LRBA: variants seen among roughly 807,000 people sequenced by gnomAD.
LRBA encodes the protein LPS responsive beige-like anchor protein.
In LRBA, 176 loss-of-function variants were observed where a neutral mutation model predicts 330.0. The observed-to-expected ratio is 0.53, with a 90% CI of 0.47 to 0.60. The LOEUF (loss-of-function observed/expected upper bound fraction) is 0.60. LRBA is among the 20% of genes least tolerant of loss of function. The probability of loss-of-function intolerance (pLI) is 0.00; values close to 1 mark genes in which losing one functional copy is unlikely to be tolerated. For missense variants in LRBA, 3,259 were observed against 3,444.8 expected, an observed-to-expected ratio of 0.95 and a Z score of 1.35; for synonymous variants, 1,230 against 1,193.0, an observed-to-expected ratio of 1.03 and a Z score of -0.64.
intron 48 of LRBA, among the ~76,000 whole-genome samples, chr4:150,328,734 A>G (rs1014643133): frequency 6.7e-6 from 1 of 150,192 alleles, no homozygotes; most frequent in Non-Finnish European, 1.5e-5. Flanking sequence ...AGACAGAGAG[A>G]GGGCAGTCAG....
At chr4:150,634,674 A>G (rs1417104813) in intron 37 of LRBA, among the ~76,000 whole-genome samples, 2 of 152,200 alleles carry the variant, frequency 1.3e-5, no homozygotes, top group Non-Finnish European at 2.9e-5. Context: ...TCCAGAATAT[A>G]GTCTCACCTG....
At chr4:150,946,034 G>C (rs1033173157) in intron 2 of LRBA, among the ~76,000 whole-genome samples, 12 of 152,110 alleles carry the variant, frequency 7.9e-5, no homozygotes, top group African/African-American at 2.7e-4. Context: ...TCCTGACCTT[G>C]TGATCCACCC....
At chr4:150,509,834 T>A (rs1325735611) in intron 40 of LRBA, among the ~76,000 whole-genome samples, 2 of 152,152 alleles carry the variant, frequency 1.3e-5, no homozygotes, top group Admixed American at 1.3e-4. Context: ...GATGAACAGA[T>A]CTCTTGAAAG....
intron 34 of LRBA, among the ~76,000 whole-genome samples, chr4:150,781,291 C>T (rs1475590454): frequency 6.6e-6 from 1 of 152,184 alleles, no homozygotes; most frequent in African/African-American, 2.4e-5. Flanking sequence ...CTAGACAGTC[C>T]CATCTGGGGG....
At chr4:150,948,886 T>C (rs1396491025) in intron 2 of LRBA, among the ~76,000 whole-genome samples, 1 of 151,852 alleles carries the variant, frequency 6.6e-6, no homozygotes, top group Admixed American at 6.5e-5. Context: ...AAGACCACAG[T>C]GGATATCACT....
intron 40 of LRBA, among the ~76,000 whole-genome samples, chr4:150,503,921 A>T (rs1349019782): frequency 2.0e-5 from 3 of 152,220 alleles, no homozygotes; most frequent in Non-Finnish European, 2.9e-5. Context: ...CTGAAAACCA[A>T]GGCACGAGAA....
chr4:150,823,635 T>C (rs939522151), intron 30 of LRBA, among the ~76,000 whole-genome samples: 9 of 152,210 alleles, frequency 5.9e-5, no homozygotes, highest in African/African-American at 2.2e-4. Context: ...GAACTGATTT[T>C]TGTATATAGT....
intron 34 of LRBA, among the ~76,000 whole-genome samples, chr4:150,790,538 A>G (rs1227068302): frequency 1.3e-5 from 2 of 152,198 alleles, no homozygotes; most frequent in Non-Finnish European, 2.9e-5. Context: ...TTTCCACCTT[A>G]TAATAGAAAG....
At chr4:150,411,879 T>C (rs1229095131) in intron 47 of LRBA, among the ~76,000 whole-genome samples, 1 of 152,120 alleles carries the variant, frequency 6.6e-6, no homozygotes, top group Non-Finnish European at 1.5e-5. Flanking sequence ...GGAATTGAAG[T>C]GGTAAACCAA....
intron 31 of LRBA, among the ~76,000 whole-genome samples, chr4:150,811,259 G>A (rs1014057292): frequency 2.0e-5 from 3 of 152,124 alleles, no homozygotes; most frequent in African/African-American, 7.2e-5. Flanking sequence ...AGTTTTTGAA[G>A]ACCATTTTTA....
At chr4:150,957,336 G>A (rs1319237372) in intron 2 of LRBA, among the ~76,000 whole-genome samples, 1 of 148,490 alleles carries the variant, frequency 6.7e-6, no homozygotes, top group African/African-American at 2.6e-5. Context: ...AGGCAAGTGA[G>A]CATGTGCAGG....
intron 40 of LRBA, 128 bp from the exon 41 acceptor site, chr4:150,491,163 A>T: frequency 2.3e-6 from 1 of 433,132 alleles, no homozygotes; most frequent in Non-Finnish European, 4.1e-6. Flanking sequence ...TTTAATAGTT[A>T]CAGACATAAT....
chr4:150,829,449 C>CA (rs757346494), intron 29 of LRBA, among the ~76,000 whole-genome samples: 3 of 152,086 alleles, frequency 2.0e-5, no homozygotes, highest in Admixed American at 2.0e-4. Flanking sequence ...TCAAGGTCAC[C>CA]AAAAAATCTG....
At chr4:150,433,143 G>A (rs543654581) in intron 46 of LRBA, among the ~76,000 whole-genome samples, 14 of 152,020 alleles carry the variant, frequency 9.2e-5, no homozygotes, top group Non-Finnish European at 1.8e-4. Context: ...AACATAAGAG[G>A]GAGCTGGATT....
intron 38 of LRBA, 76 bp from the exon 39 acceptor site, chr4:150,590,935 AG>A (rs950963146): frequency 1.4e-6 from 2 of 1,411,270 alleles, no homozygotes; most frequent in African/African-American, 1.4e-5. Flanking sequence ...GGCTTAGGTA[AG>A]GGTAGGTGGC....
intron 42 of LRBA, among the ~76,000 whole-genome samples, chr4:150,472,360 T>C (rs1396995534): frequency 6.6e-6 from 1 of 152,062 alleles, no homozygotes; most frequent in African/African-American, 2.4e-5. Flanking sequence ...AGTTATTACA[T>C]TCAAAGCCTA....
At chr4:150,923,796 G>T (rs1211039986) in intron 4 of LRBA, among the ~76,000 whole-genome samples, 9 of 152,104 alleles carry the variant, frequency 5.9e-5, no homozygotes, top group African/African-American at 2.2e-4. Flanking sequence ...TCAAAACAGG[G>T]TCAAACTACA....
At chr4:150,668,424 C>T (rs1293422081) in intron 37 of LRBA, among the ~76,000 whole-genome samples, 1 of 152,184 alleles carries the variant, frequency 6.6e-6, no homozygotes, top group East Asian at 1.9e-4. Context: ...TAGGACCAAA[C>T]AAGCTATAGG....
chr4:150,990,921 A>C (rs183085917), intron 2 of LRBA, among the ~76,000 whole-genome samples: 1 of 152,218 alleles, frequency 6.6e-6, no homozygotes, highest in East Asian at 1.9e-4. Flanking sequence ...CAGGAGGCTG[A>C]GAGGCACAAG....
Sources: allele counts gnomAD v4.1 joint callset (sites outside exome capture counted in the v4.1 genomes callset), GRCh38; gene constraint gnomAD v4.1.1; transcripts MANE v1.5; gene names NCBI Gene and HGNC (gene_info 2026-07-23, HGNC 2026-07-21).